UNC5B: variants seen among roughly 807,000 people sequenced by gnomAD.
UNC5B encodes the protein netrin receptor UNC5B.
A neutral mutation model predicts 103.7 loss-of-function variants in UNC5B; 56 were observed. The ratio of observed to expected loss-of-function variants is 0.54; its 90% confidence interval spans 0.44 to 0.67. UNC5B has a LOEUF of 0.67. UNC5B is among the 30% of genes least tolerant of loss of function. The pLI is 0.00. For missense variants in UNC5B, 1,194 were observed against 1,284.5 expected (o/e 0.93, Z 1.08); for synonymous variants, 577 against 542.0 (o/e 1.06, Z -0.90).
intron 1 of UNC5B, among the ~76,000 whole-genome samples, chr10:71,230,816 G>A (rs1843667354): frequency 6.6e-6 from 1 of 152,248 alleles, no homozygotes; most frequent in African/African-American, 2.4e-5. Flanking sequence ...AAGCAGGGAA[G>A]TGGGGGTTCC....
At chr10:71,245,617 G>C (rs980527096) in intron 1 of UNC5B, among the ~76,000 whole-genome samples, 1 of 152,214 alleles carries the variant, frequency 6.6e-6, no homozygotes, top group Admixed American at 6.5e-5. Context: ...CTGGTAGCCA[G>C]CATGGCCACA....
intron 4 of UNC5B, among the ~76,000 whole-genome samples, chr10:71,285,985 C>G (rs781756103): frequency 2.0e-5 from 3 of 152,202 alleles, no homozygotes; most frequent in Non-Finnish European, 4.4e-5. Context: ...AGCCTGGGAT[C>G]AGCCCTCTCT....
intron 1 of UNC5B, among the ~76,000 whole-genome samples, chr10:71,215,757 T>G (rs979517340): frequency 1.3e-5 from 2 of 152,108 alleles, no homozygotes; most frequent in Non-Finnish European, 1.5e-5. Context: ...AAGATAATAC[T>G]TCTTTTTAAG....
In UNC5B at chr10:71,291,254, G is replaced by A; in HGVS notation, c.1294+145G>A. ...TAGAGATAACTATGTGGATGGGTAT[G>A]GATTAGAGAACTACCGAGAAGGAAG... On this transcript the variant is annotated intron_variant, in intron 9 of 16. Transcript: ENST00000335350. The A allele has an allele frequency of 3.8e-6, 5 of 1,326,926 alleles. No homozygotes were observed. In the South Asian group the frequency reaches 4.3e-5, roughly 11 times the overall value. 82.2% of individuals were successfully genotyped at this position (1,326,926 alleles called of 1,614,324 possible). A position where few individuals can be genotyped will look rare whatever the true frequency, so the allele number is the denominator to read the frequency against.
intron 1 of UNC5B, among the ~76,000 whole-genome samples, chr10:71,222,050 G>A (rs913533885): frequency 5.9e-5 from 9 of 152,294 alleles, no homozygotes; most frequent in African/African-American, 2.2e-4. Flanking sequence ...TGGAACGAAG[G>A]GAAATGTCTG....
At position 71,238,429 on chromosome 10, in the gene UNC5B, A is replaced by AT. The variant is rs199863683; in HGVS notation, c.79+25367dup. On this transcript the variant is annotated intron_variant, in intron 1 of 16. Transcript: ENST00000335350. ...CACTCAGAATGTCTTGTGGTTTCTG[A>AT]TTAGCGATAGGCCCTGCTGGACGTC... 5.4e-3 allele frequency among the ~76,000 whole-genome samples: 815 copies of AT among 152,162 alleles called. 5 individuals carry two copies. The highest frequency in any genetic ancestry group is 0.019 in the African/African-American group (785 of 41,488).
intron 1 of UNC5B, among the ~76,000 whole-genome samples, chr10:71,230,796 T>C (rs1843666698): frequency 6.6e-6 from 1 of 152,234 alleles, no homozygotes; most frequent in African/African-American, 2.4e-5. Flanking sequence ...AGAAAGATTA[T>C]GGGGCAGGGA....
chr10:71,242,096 C>T (rs912938911), intron 1 of UNC5B, among the ~76,000 whole-genome samples: 1 of 152,148 alleles, frequency 6.6e-6, no homozygotes, highest in African/African-American at 2.4e-5. Flanking sequence ...TAGGCCAACC[C>T]CAGCCCCCTG....
At chr10:71,284,690 C>A in intron 2 of UNC5B, 30 bp from the exon 3 acceptor site, 1 of 1,610,928 alleles carries the variant, frequency 6.2e-7, no homozygotes, top group Non-Finnish European at 8.5e-7. Context: ...TTTGCCCCTG[C>A]CCCCTGACGG....
chr10:71,221,189 C>T (rs994680807), intron 1 of UNC5B, among the ~76,000 whole-genome samples: 2 of 152,180 alleles, frequency 1.3e-5, no homozygotes, highest in African/African-American at 4.8e-5. Flanking sequence ...TCTGGGAACT[C>T]GGTCCCTTTT....
intron 1 of UNC5B, among the ~76,000 whole-genome samples, chr10:71,259,354 A>G (rs1462708043): frequency 1.3e-5 from 2 of 150,924 alleles, no homozygotes; most frequent in African/African-American, 4.9e-5. Flanking sequence ...CCACTGCCCT[A>G]TAGCCTGGGT....
chr10:71,244,346 C>T (rs962988731), intron 1 of UNC5B, among the ~76,000 whole-genome samples: 7 of 152,210 alleles, frequency 4.6e-5, no homozygotes, highest in South Asian at 4.1e-4. Context: ...GGCATTATGA[C>T]GACACCCTAA....
intron 1 of UNC5B, among the ~76,000 whole-genome samples, chr10:71,266,782 T>TCG (rs1844534219): frequency 1.3e-5 from 2 of 152,214 alleles, no homozygotes; most frequent in African/African-American, 2.4e-5. Flanking sequence ...TGTCCACAGT[T>TCG]TCAGTTACCC....
At position 71,299,320 on chromosome 10, in the gene UNC5B, G is replaced by C; in HGVS notation, c.*43G>C. On this transcript the variant is annotated 3_prime_UTR_variant, in exon 17 of 17. Coordinates refer to ENST00000335350, the MANE Select transcript of UNC5B (RefSeq NM_170744.5). Reference sequence around the variant, plus strand: ...GCTGGCAGGGACTGGCAGGAGGCAGGTGCAGGGAGGCCTGGGGCAGCCTCC... The same window carrying C: ...GCTGGCAGGGACTGGCAGGAGGCAGCTGCAGGGAGGCCTGGGGCAGCCTCC... 1 of 1,607,330 alleles carries C rather than the reference G, an allele frequency of 6.2e-7. No individual in the cohort carries two copies. Among genetic ancestry groups the C allele is most frequent in the Non-Finnish European group, 8.5e-7 (1 of 1,177,450 alleles).
At chr10:71,264,208 TA>T (rs952097677) in intron 1 of UNC5B, among the ~76,000 whole-genome samples, 1 of 152,200 alleles carries the variant, frequency 6.6e-6, no homozygotes, top group African/African-American at 2.4e-5. Flanking sequence ...TGGCTATTGA[TA>T]CCAACCTCAT....
chr10:71,293,596 G>A, intron 12 of UNC5B, 23 bp downstream of exon 12: 1 of 1,613,280 alleles, frequency 6.2e-7, no homozygotes, highest in Non-Finnish European at 8.5e-7. Flanking sequence ...GGTGAAGGCT[G>A]GCCCAGCTCT....
intron 1 of UNC5B, among the ~76,000 whole-genome samples, chr10:71,266,792 C>T (rs928294281): frequency 6.6e-6 from 1 of 152,204 alleles, no homozygotes; most frequent in Admixed American, 6.5e-5. Context: ...TTCAGTTACC[C>T]ATGGCCAACT....
chr10:71,291,841 G>T lies in UNC5B; in HGVS notation c.1684+20G>T. ...GCACAGGTGAGCCCCTGCCCTGCTT[G>T]TGCGTCAGCCTGGCCTTAGCACCTC... On this transcript the variant is annotated intron_variant, in intron 10 of 16. Coordinates refer to ENST00000335350, the MANE Select transcript of UNC5B (RefSeq NM_170744.5). 1.3e-6 allele frequency: 2 copies of T among 1,570,736 alleles called. No individual in the cohort carries two copies. Among genetic ancestry groups the T allele is most frequent in the Non-Finnish European group, 1.7e-6 (2 of 1,164,840 alleles).
intron 2 of UNC5B, among the ~76,000 whole-genome samples, chr10:71,280,390 C>A (rs1318120510): frequency 6.6e-6 from 1 of 152,206 alleles, no homozygotes; most frequent in Non-Finnish European, 1.5e-5. Context: ...CCCCACGGCA[C>A]CGACCCAGAA....
Sources: gnomAD v4.1 joint callset for allele counts (sites outside exome capture counted in the v4.1 genomes callset) on GRCh38, gnomAD v4.1.1 for gene constraint, MANE v1.5 for transcripts, NCBI Gene and HGNC (gene_info 2026-07-23, HGNC 2026-07-21) for gene names.